Variants in MDGA2 observed in about 807,000 individuals in gnomAD.
MDGA2 encodes the protein MAM domain-containing glycosylphosphatidylinositol anchor protein 2.
In MDGA2, 40 loss-of-function variants were observed where a neutral mutation model predicts 117.8. That is an observed-to-expected ratio of 0.34 (90% CI 0.26 to 0.44). The LOEUF is 0.44. Among genes scored for constraint, MDGA2 ranks in the 20% least tolerant of loss-of-function variants. The pLI is 1.00. For missense variants in MDGA2, 1,123 were observed against 1,250.6 expected (o/e 0.90, Z 1.54); for synonymous variants, 452 against 439.0 (o/e 1.03, Z -0.37).
intron 5 of MDGA2, among the ~76,000 whole-genome samples, chr14:47,119,492 C>T (rs992613891): frequency 2.6e-5 from 4 of 152,142 alleles, no homozygotes; most frequent in Admixed American, 2.6e-4. Context: ...GTGAATATTT[C>T]AGTTCCTTAA....
At chr14:47,071,143 G>A (rs916885706) in intron 6 of MDGA2, among the ~76,000 whole-genome samples, 2 of 152,154 alleles carry the variant, frequency 1.3e-5, no homozygotes, top group Admixed American at 6.5e-5. Context: ...AATTTCAAAT[G>A]TCAAAGAAAT....
At chr14:46,913,766 G>GC (rs1357989377) in intron 10 of MDGA2, among the ~76,000 whole-genome samples, 2 of 152,056 alleles carry the variant, frequency 1.3e-5, no homozygotes, top group African/African-American at 4.8e-5. Flanking sequence ...AGTACTAACT[G>GC]CCCCCATCGA....
At chr14:47,163,733 C>T (rs1883742152) in intron 3 of MDGA2, among the ~76,000 whole-genome samples, 1 of 152,218 alleles carries the variant, frequency 6.6e-6, no homozygotes, top group South Asian at 2.1e-4. Context: ...TTTAGCCAAC[C>T]TTGCACTCAG....
At chr14:47,511,090 T>G (rs1341239457) in intron 1 of MDGA2, among the ~76,000 whole-genome samples, 1 of 152,178 alleles carries the variant, frequency 6.6e-6, no homozygotes, top group African/African-American at 2.4e-5. Flanking sequence ...CTACACATGT[T>G]AACTCCATGA....
intron 1 of MDGA2, among the ~76,000 whole-genome samples, chr14:47,508,374 T>C (rs976112069): frequency 6.6e-6 from 1 of 150,698 alleles, no homozygotes; most frequent in Non-Finnish European, 1.5e-5. Context: ...TCTCTCTCTC[T>C]CTCTCTCTGT....
chr14:47,625,893 C>T (rs1007514789), intron 1 of MDGA2, among the ~76,000 whole-genome samples: 2 of 152,234 alleles, frequency 1.3e-5, no homozygotes, highest in African/African-American at 2.4e-5. Flanking sequence ...AGCCTTTGCC[C>T]TCTCTTTTGC....
chr14:47,511,884 T>A (rs1894648661), intron 1 of MDGA2, among the ~76,000 whole-genome samples: 2 of 152,126 alleles, frequency 1.3e-5, no homozygotes, highest in Non-Finnish European at 2.9e-5. Context: ...GGTGAACAAC[T>A]TATGGCAACA....
At chr14:47,614,626 A>C (rs899225174) in intron 1 of MDGA2, among the ~76,000 whole-genome samples, 5 of 152,242 alleles carry the variant, frequency 3.3e-5, no homozygotes, top group Admixed American at 2.6e-4. Context: ...GATTTTAAAA[A>C]GGCCAAGTTT....
chr14:47,231,466 G>A (rs1233187998), intron 2 of MDGA2, among the ~76,000 whole-genome samples: 1 of 152,060 alleles, frequency 6.6e-6, no homozygotes. Flanking sequence ...ATTGACTCCA[G>A]TAGCTTTAAT....
At chr14:47,134,376 T>C (rs1882352258) in intron 4 of MDGA2, among the ~76,000 whole-genome samples, 1 of 152,100 alleles carries the variant, frequency 6.6e-6, no homozygotes. Flanking sequence ...ATAAACTCAA[T>C]ATAATTAAAT....
intron 10 of MDGA2, among the ~76,000 whole-genome samples, chr14:46,906,940 A>G (rs886534759): frequency 2.7e-5 from 4 of 150,722 alleles, no homozygotes; most frequent in Admixed American, 6.6e-5. Context: ...AGCAATCTCA[A>G]TTACAACACT....
Position 47,496,860 on chromosome 14 carries a change from A to C in MDGA2, c.280+177657T>G, listed in dbSNP as rs141897338. The stretch of plus-strand genomic sequence containing the variant: ...TGGCAACAGGGACTAGTTTTCTGGA[A>C]GACCAGTTTTCCATGGACTGGTGTT... On this transcript the variant is annotated intron_variant, in intron 1 of 16. Transcript: ENST00000399232. 4.0e-3 allele frequency among the ~76,000 whole-genome samples: 603 copies of C among 152,114 alleles called. 5 individuals are homozygous for C. Among genetic ancestry groups the C allele is most frequent in the African/African-American group, 0.014 (580 of 41,498 alleles).
chr14:47,518,438 TATAAG>T (rs561356443), intron 1 of MDGA2, among the ~76,000 whole-genome samples: 94 of 152,348 alleles, frequency 6.2e-4, no homozygotes, highest in African/African-American at 2.1e-3. Context: ...TATAAACTGT[TATAAG>T]ATACTAATTA....
intron 1 of MDGA2, among the ~76,000 whole-genome samples, chr14:47,395,624 C>A (rs1241286764): frequency 6.6e-6 from 1 of 151,824 alleles, no homozygotes; most frequent in African/African-American, 2.4e-5. Flanking sequence ...ATAAGGCAAT[C>A]AAAAATGTAC....
chr14:47,173,610 G>C (rs908084589), intron 3 of MDGA2, among the ~76,000 whole-genome samples: 2 of 152,080 alleles, frequency 1.3e-5, no homozygotes, highest in African/African-American at 4.8e-5. Context: ...GACAGATTTT[G>C]TCACCACCAG....
chr14:47,468,094 A>C (rs1388673463), intron 1 of MDGA2, among the ~76,000 whole-genome samples: 1 of 152,118 alleles, frequency 6.6e-6, no homozygotes, highest in Admixed American at 6.6e-5. Context: ...TACAGGACAG[A>C]GACAGCTGAG....
intron 1 of MDGA2, among the ~76,000 whole-genome samples, chr14:47,538,346 A>G (rs1261358347): frequency 1.3e-5 from 2 of 152,168 alleles, no homozygotes; most frequent in East Asian, 1.9e-4. Flanking sequence ...TGGTCAGTGC[A>G]TAATTTCATG....
intron 3 of MDGA2, among the ~76,000 whole-genome samples, chr14:47,183,943 AC>A (rs1335685598): frequency 1.3e-5 from 2 of 151,986 alleles, no homozygotes; most frequent in Non-Finnish European, 2.9e-5. Context: ...TGAGGTCTCA[AC>A]TTAGACATCA....
intron 1 of MDGA2, among the ~76,000 whole-genome samples, chr14:47,350,035 A>C (rs543173367): frequency 6.6e-6 from 1 of 152,358 alleles, no homozygotes; most frequent in South Asian, 2.1e-4. Flanking sequence ...ATAACCCTGA[A>C]GTCAGCATAT....
Sources: allele counts gnomAD v4.1 joint callset (sites outside exome capture counted in the v4.1 genomes callset), GRCh38; gene constraint gnomAD v4.1.1; transcripts MANE v1.5; gene names NCBI Gene and HGNC (gene_info 2026-07-23, HGNC 2026-07-21).